MAGI1: variants seen among roughly 807,000 people sequenced by gnomAD.
MAGI1 encodes membrane associated guanylate kinase, WW and PDZ domain containing 1.
Under a neutral mutation model 139.9 loss-of-function variants are expected in MAGI1, and 58 were observed. That is an observed-to-expected ratio of 0.41 (90% CI 0.34 to 0.52). The LOEUF is 0.52. MAGI1 is among the 20% of genes least tolerant of loss of function. MAGI1 has a pLI of 0.12. For synonymous variants in MAGI1, 812 were observed against 737.9 expected (o/e 1.10, Z -1.63); for missense variants, 1,874 against 1,901.6 (o/e 0.99, Z 0.27).
chr3:65,474,083 T>C (rs1270325087), intron 4 of MAGI1, among the ~76,000 whole-genome samples: 1 of 152,038 alleles, frequency 6.6e-6, no homozygotes, highest in African/African-American at 2.4e-5. Flanking sequence ...CTAGGCAACA[T>C]AGTGAGACCA....
At chr3:65,516,335 C>T (rs1039866937) in intron 2 of MAGI1, among the ~76,000 whole-genome samples, 1 of 151,720 alleles carries the variant, frequency 6.6e-6, no homozygotes, top group Non-Finnish European at 1.5e-5. Context: ...ATGTGCCACC[C>T]CACCCGGCTA....
intron 1 of MAGI1, among the ~76,000 whole-genome samples, chr3:65,633,872 A>C (rs1435132333): frequency 6.6e-6 from 1 of 152,194 alleles, no homozygotes; most frequent in East Asian, 1.9e-4. Context: ...AGCTGAAATC[A>C]AGTGTCTCTA....
At chr3:65,982,760 G>A (rs77070128) in intron 1 of MAGI1, among the ~76,000 whole-genome samples, 5 of 151,988 alleles carry the variant, frequency 3.3e-5, no homozygotes, top group Non-Finnish European at 7.3e-5. Context: ...AAGCTCAGTA[G>A]GCACCAGTGC....
chr3:66,018,113 T>TGGGGGGGGGGGGGGGGG (rs200952234), intron 1 of MAGI1, among the ~76,000 whole-genome samples: 1 of 57,608 alleles, frequency 1.7e-5, no homozygotes, highest in Non-Finnish European at 4.0e-5. Flanking sequence ...GACACTTTGG[T>TGGGGGGGGGGGGGGGGG]GGGGGGGGGG....
rs539361592 is a variant in MAGI1 at position 65,713,693 on chromosome 3, A to C, written c.314-91605T>G. ...TACTCAGGACCTGGTAAGTTCATTC[A>C]TTCATTTATGTATTCATTCAGTAAG... On this transcript the variant is annotated intron_variant, in intron 1 of 22. Coordinates refer to ENST00000402939, the MANE Select transcript of MAGI1 (RefSeq NM_001033057.2). Among the ~76,000 whole-genome samples, 11 of 152,302 alleles carry C rather than the reference A, an allele frequency of 7.2e-5. 1 individual carries two copies. The East Asian group carries it at 2.1e-3, about 29-fold the overall frequency.
At chr3:65,602,243 C>A (rs550243580) in intron 2 of MAGI1, among the ~76,000 whole-genome samples, 1 of 152,236 alleles carries the variant, frequency 6.6e-6, no homozygotes, top group East Asian at 1.9e-4. Flanking sequence ...CACATAAAAA[C>A]ATATACATGA....
intron 1 of MAGI1, among the ~76,000 whole-genome samples, chr3:65,987,725 A>G (rs1423591404): frequency 6.1e-5 from 3 of 48,804 alleles, no homozygotes; most frequent in African/African-American, 1.1e-4. Context: ...GAGTACCACC[A>G]TGCCCAGCTA....
chr3:65,725,727 TAGCAGCACATTCCATTCC>T (rs1303607369), intron 1 of MAGI1, among the ~76,000 whole-genome samples: 3 of 152,192 alleles, frequency 2.0e-5, no homozygotes, highest in African/African-American at 7.2e-5. Context: ...CTGGAATAAG[TAGCAGCACATTCCATTCC>T]AGCCTACTTA....
intron 1 of MAGI1, among the ~76,000 whole-genome samples, chr3:65,819,147 G>A (rs115645303): frequency 0.013 from 1,967 of 152,204 alleles, 50 homozygotes; most frequent in African/African-American, 0.045. Context: ...AGCGGGGTGT[G>A]TTGGAGCATG....
At chr3:65,769,624 T>C (rs945575600) in intron 1 of MAGI1, among the ~76,000 whole-genome samples, 3 of 152,044 alleles carry the variant, frequency 2.0e-5, no homozygotes, top group African/African-American at 7.2e-5. Context: ...AATTGAAAAA[T>C]GAAGAAGCCA....
At chr3:65,494,229 C>T (rs989270735) in intron 2 of MAGI1, among the ~76,000 whole-genome samples, 2 of 152,068 alleles carry the variant, frequency 1.3e-5, no homozygotes, top group Non-Finnish European at 2.9e-5. Flanking sequence ...AAAAAGAGGC[C>T]GTCCATGAAT....
At chr3:66,006,810 T>TGTTTG (rs1553746288) in intron 1 of MAGI1, among the ~76,000 whole-genome samples, 1 of 139,680 alleles carries the variant, frequency 7.2e-6, no homozygotes, top group East Asian at 2.0e-4. Context: ...AACATGGTTT[T>TGTTTG]GTTTTGTTTT....
intron 2 of MAGI1, among the ~76,000 whole-genome samples, chr3:65,585,510 T>G (rs2081628984): frequency 6.6e-6 from 1 of 152,180 alleles, no homozygotes; most frequent in Non-Finnish European, 1.5e-5. Context: ...TGTTTTTAAT[T>G]TTAATACCAA....
intron 1 of MAGI1, among the ~76,000 whole-genome samples, chr3:65,881,249 C>T (rs1301752522): frequency 6.6e-6 from 1 of 152,150 alleles, no homozygotes; most frequent in Non-Finnish European, 1.5e-5. Flanking sequence ...CACTGCTAAA[C>T]ACCCAATACT....
chr3:65,790,366 C>T (rs549101505), intron 1 of MAGI1, among the ~76,000 whole-genome samples: 2 of 152,208 alleles, frequency 1.3e-5, no homozygotes, highest in Non-Finnish European at 2.9e-5. Context: ...TGGAAGTCCA[C>T]TGAGGCCTCC....
intron 2 of MAGI1, among the ~76,000 whole-genome samples, chr3:65,522,518 A>T (rs2078209137): frequency 6.6e-6 from 1 of 152,148 alleles, no homozygotes; most frequent in South Asian, 2.1e-4. Context: ...CACTTTCTAG[A>T]CCCAGTGTAC....
chr3:65,413,329 T>G (rs2107213191), intron 12 of MAGI1, among the ~76,000 whole-genome samples: 1 of 152,288 alleles, frequency 6.6e-6, no homozygotes, highest in South Asian at 2.1e-4. Context: ...TATCTTAAAT[T>G]TAAGAAATCA....
chr3:65,488,742 C>A (rs770288225), intron 3 of MAGI1, among the ~76,000 whole-genome samples: 9 of 152,064 alleles, frequency 5.9e-5, no homozygotes, highest in Non-Finnish European at 1.2e-4. Context: ...GTGATCTTGG[C>A]TCACTGCAGC....
chr3:65,370,599 A>C (rs2106799574), intron 18 of MAGI1, among the ~76,000 whole-genome samples: 1 of 152,248 alleles, frequency 6.6e-6, no homozygotes, highest in South Asian at 2.1e-4. Flanking sequence ...TTGCATGATA[A>C]TTTTTGGTGT....
Sources: gnomAD v4.1 joint callset for allele counts (sites outside exome capture counted in the v4.1 genomes callset) on GRCh38, gnomAD v4.1.1 for gene constraint, MANE v1.5 for transcripts, NCBI Gene and HGNC (gene_info 2026-07-23, HGNC 2026-07-21) for gene names.